PTPRD: variants seen among roughly 807,000 people sequenced by gnomAD.
PTPRD encodes receptor-type tyrosine-protein phosphatase delta.
In PTPRD, 34 loss-of-function variants were observed where a neutral mutation model predicts 214.5. That is an observed-to-expected ratio of 0.16 (90% CI 0.12 to 0.21). The LOEUF is 0.21. PTPRD is among the 10% of genes least tolerant of loss of function. The probability of loss-of-function intolerance (pLI) is 1.00; values close to 1 mark genes in which losing one functional copy is unlikely to be tolerated. For synonymous variants in PTPRD, 1,128 were observed against 845.7 expected, an observed-to-expected ratio of 1.33 and a Z score of -5.79; for missense variants, 2,545 against 2,398.7, an observed-to-expected ratio of 1.06 and a Z score of -1.27.
chr9:8,670,328 G>C (rs2097257735), intron 12 of PTPRD, among the ~76,000 whole-genome samples: 1 of 151,954 alleles, frequency 6.6e-6, no homozygotes, highest in African/African-American at 2.4e-5. Flanking sequence ...CTGACCTGTA[G>C]TAACCACTGT....
At chr9:8,580,176 G>C (rs2092921036) in intron 14 of PTPRD, among the ~76,000 whole-genome samples, 1 of 152,136 alleles carries the variant, frequency 6.6e-6, no homozygotes, top group African/African-American at 2.4e-5. Flanking sequence ...AGTAGCAGTA[G>C]ACATGTGAAA....
At chr9:10,180,220 C>T (rs774491623) in intron 3 of PTPRD, among the ~76,000 whole-genome samples, 2 of 151,830 alleles carry the variant, frequency 1.3e-5, no homozygotes, top group Non-Finnish European at 2.9e-5. Flanking sequence ...TTTTATTTCA[C>T]ATAAAGGGAA....
chr9:9,621,724 G>C (rs185936539), intron 7 of PTPRD, among the ~76,000 whole-genome samples: 32 of 152,300 alleles, frequency 2.1e-4, no homozygotes, highest in Middle Eastern at 3.4e-3. Flanking sequence ...TTTAGTTAAA[G>C]TGTGAAGTGG....
intron 2 of PTPRD, among the ~76,000 whole-genome samples, chr9:10,450,341 C>T (rs1367266664): frequency 6.6e-6 from 1 of 151,798 alleles, no homozygotes; most frequent in African/African-American, 2.4e-5. Context: ...CATGTATATG[C>T]CATATAATAA....
chr9:9,986,669 T>C (rs1370492966), intron 4 of PTPRD, among the ~76,000 whole-genome samples: 2 of 152,170 alleles, frequency 1.3e-5, no homozygotes, highest in African/African-American at 4.8e-5. Flanking sequence ...GACAAATTTA[T>C]GTTAAGGAAG....
At chr9:9,787,465 ATTAATG>A (rs2098933694) in intron 5 of PTPRD, among the ~76,000 whole-genome samples, 2 of 151,480 alleles carry the variant, frequency 1.3e-5, no homozygotes, top group South Asian at 4.1e-4. Flanking sequence ...CCAAAATTTA[ATTAATG>A]TTACTTTTTT....
At chr9:10,161,605 T>A (rs1236966194) in intron 3 of PTPRD, among the ~76,000 whole-genome samples, 1 of 151,698 alleles carries the variant, frequency 6.6e-6, no homozygotes, top group East Asian at 1.9e-4. Context: ...TATAAGAAAA[T>A]TTAAGGATAT....
At chr9:9,613,723 A>G (rs995363326) in intron 7 of PTPRD, among the ~76,000 whole-genome samples, 6 of 152,164 alleles carry the variant, frequency 3.9e-5, no homozygotes, top group Non-Finnish European at 7.4e-5. Flanking sequence ...GCACCAAGTG[A>G]CAGCTTGTTA....
intron 3 of PTPRD, among the ~76,000 whole-genome samples, chr9:10,336,194 T>C (rs954732867): frequency 2.6e-5 from 4 of 151,774 alleles, no homozygotes; most frequent in African/African-American, 7.2e-5. Flanking sequence ...TAAATGTGAA[T>C]ACTAAAATAA....
intron 3 of PTPRD, among the ~76,000 whole-genome samples, chr9:10,167,452 T>A (rs1239727030): frequency 1.3e-5 from 2 of 152,182 alleles, no homozygotes; most frequent in African/African-American, 4.8e-5. Context: ...AAAACCCATA[T>A]ATGTATTACA....
chr9:8,610,761 C>T (rs1395578290), intron 14 of PTPRD, among the ~76,000 whole-genome samples: 2 of 152,138 alleles, frequency 1.3e-5, no homozygotes, highest in African/African-American at 4.8e-5. Context: ...CTGTGTTATT[C>T]TACTTAGTTT....
intron 3 of PTPRD, among the ~76,000 whole-genome samples, chr9:10,188,673 G>C (rs1158156241): frequency 6.6e-6 from 1 of 151,770 alleles, no homozygotes; most frequent in Non-Finnish European, 1.5e-5. Context: ...AGAAGTCATG[G>C]GTGTGCATGA....
intron 8 of PTPRD, among the ~76,000 whole-genome samples, chr9:9,559,859 G>A (rs545149298): frequency 2.5e-3 from 374 of 152,296 alleles, no homozygotes; most frequent in Non-Finnish European, 3.4e-3. Flanking sequence ...GTGCATAAGT[G>A]GAGAGCCAAG....
chr9:10,026,421 A>G (rs1567167268), intron 4 of PTPRD, among the ~76,000 whole-genome samples: 1 of 152,206 alleles, frequency 6.6e-6, no homozygotes, highest in Non-Finnish European at 1.5e-5. Context: ...GATTGTGAAC[A>G]TATTTTTTAG....
At chr9:10,046,303 A>G (rs2097394353) in intron 3 of PTPRD, among the ~76,000 whole-genome samples, 1 of 151,850 alleles carries the variant, frequency 6.6e-6, no homozygotes, top group Non-Finnish European at 1.5e-5. Flanking sequence ...GTAAAACACA[A>G]CTGCATCTTT....
intron 12 of PTPRD, chr9:8,713,299 G>A: frequency 4.1e-6 from 3 of 725,626 alleles, no homozygotes; most frequent in Non-Finnish European, 4.9e-6. Context: ...CGGCGAGCGC[G>A]GAGAGGACGC....
chr9:10,483,047 C>T (rs2099110738), intron 2 of PTPRD, among the ~76,000 whole-genome samples: 1 of 152,106 alleles, frequency 6.6e-6, no homozygotes, highest in Non-Finnish European at 1.5e-5. Context: ...TATTGTAAGG[C>T]TATAGTAACC....
intron 7 of PTPRD, among the ~76,000 whole-genome samples, chr9:9,617,396 T>C (rs1369616846): frequency 6.6e-6 from 1 of 152,160 alleles, no homozygotes; most frequent in African/African-American, 2.4e-5. Flanking sequence ...TAATATAATA[T>C]AGACAATTAG....
chr9:8,539,977 A>C (rs1309696133), intron 14 of PTPRD, among the ~76,000 whole-genome samples: 1 of 152,082 alleles, frequency 6.6e-6, no homozygotes, highest in East Asian at 1.9e-4. Flanking sequence ...TTACTTCCTG[A>C]TTTCGATAGT....
Sources: allele counts gnomAD v4.1 joint callset (sites outside exome capture counted in the v4.1 genomes callset), GRCh38; gene constraint gnomAD v4.1.1; transcripts MANE v1.5; gene names NCBI Gene and HGNC (gene_info 2026-07-23, HGNC 2026-07-21).